Variants in CCDC178 observed in about 807,000 individuals in gnomAD.
CCDC178 encodes coiled-coil domain containing 178.
A neutral mutation model predicts 117.4 loss-of-function variants in CCDC178; 126 were observed. That is an observed-to-expected ratio of 1.07 (90% CI 0.93 to 1.24). The LOEUF (loss-of-function observed/expected upper bound fraction) is 1.24, where lower values mean the gene tolerates loss of function less well. CCDC178 is among the 50% of genes most tolerant of loss of function. The pLI is 0.00. For missense variants in CCDC178, 1,030 were observed against 986.9 expected, an observed-to-expected ratio of 1.04 and a Z score of -0.59; for synonymous variants, 283 against 313.4, an observed-to-expected ratio of 0.90 and a Z score of 1.02.
chr18:32,983,167 C>A (rs1325135403), intron 21 of CCDC178: 3 of 623,516 alleles, frequency 4.8e-6, no homozygotes, highest in South Asian at 2.2e-5. Context: ...TCTCAGTACA[C>A]TGGAGTGGGA....
intron 22 of CCDC178, among the ~76,000 whole-genome samples, chr18:32,945,053 A>T (rs1453235138): frequency 6.6e-6 from 1 of 152,156 alleles, no homozygotes; most frequent in Non-Finnish European, 1.5e-5. Flanking sequence ...TATTCTAGCT[A>T]GTCATTCATT....
intron 9 of CCDC178, among the ~76,000 whole-genome samples, chr18:33,342,387 A>G (rs577773443): frequency 2.2e-4 from 34 of 152,332 alleles, no homozygotes; most frequent in Non-Finnish European, 4.4e-4. Context: ...TATGATAGAT[A>G]TGTTGTTCAC....
chr18:33,281,899 A>G (rs754029339), intron 12 of CCDC178, among the ~76,000 whole-genome samples: 2 of 152,232 alleles, frequency 1.3e-5, no homozygotes, highest in Non-Finnish European at 2.9e-5. Context: ...ATTAAAGCAC[A>G]CTTAATATCC....
chr18:33,314,063 T>A (rs2062381835), intron 11 of CCDC178, among the ~76,000 whole-genome samples: 4 of 148,210 alleles, frequency 2.7e-5, no homozygotes, highest in Admixed American at 2.7e-4. Flanking sequence ...TAGCCGGGCG[T>A]AGTGGCGGGC....
At chr18:32,966,081 G>T (rs1334000567) in intron 22 of CCDC178, among the ~76,000 whole-genome samples, 1 of 151,150 alleles carries the variant, frequency 6.6e-6, no homozygotes, top group Non-Finnish European at 1.5e-5. Context: ...TTAAAAAATA[G>T]ATTTTAAAAA....
rs1296684676 is a variant in CCDC178, at chr18:33,415,452, C to CA, written c.-22-3343dup. Among the ~76,000 whole-genome samples the CA allele has an allele frequency of 3.5e-5, 5 of 141,086 alleles. No homozygotes were observed. In the East Asian group the frequency reaches 1.1e-3, roughly 30 times the overall value. The allele number at this position is 141,086 out of a possible 152,430, so 92.6% of individuals were successfully genotyped here. ...CAGTCTCAGCAAACTATCGCAAGGACAAAAAAACAAACACCGCATGTTCTC... is the reference window on the plus strand; with the variant it reads ...CAGTCTCAGCAAACTATCGCAAGGACAAAAAAAACAAACACCGCATGTTCTC... On this transcript the variant is annotated intron_variant, in intron 2 of 22. Coordinates refer to ENST00000383096, the MANE Select transcript of CCDC178 (RefSeq NM_001105528.4).
At chr18:32,987,980 G>C (rs758883658) in intron 21 of CCDC178, among the ~76,000 whole-genome samples, 41 of 151,892 alleles carry the variant, frequency 2.7e-4, no homozygotes, top group Non-Finnish European at 2.8e-4. Flanking sequence ...GGGAGACTGA[G>C]GCAGGAGAAT....
chr18:33,296,879 C>A (rs1486003129), intron 11 of CCDC178, among the ~76,000 whole-genome samples: 1 of 152,036 alleles, frequency 6.6e-6, no homozygotes, highest in Non-Finnish European at 1.5e-5. Context: ...ACAAAATTAG[C>A]CGAGAGTGGT....
chr18:33,030,538 T>TAGATAGAC (rs1567943416), intron 21 of CCDC178, among the ~76,000 whole-genome samples: 1 of 151,456 alleles, frequency 6.6e-6, no homozygotes, highest in African/African-American at 2.4e-5. Flanking sequence ...GATAGATAGA[T>TAGATAGAC]AGATAGATAG....
intron 22 of CCDC178, among the ~76,000 whole-genome samples, chr18:32,957,050 C>T (rs2054610823): frequency 6.6e-6 from 1 of 152,158 alleles, no homozygotes; most frequent in Non-Finnish European, 1.5e-5. Context: ...CATAATCCAA[C>T]CTCAGCCCTG....
chr18:33,324,541 T>C (rs77921899), intron 10 of CCDC178, among the ~76,000 whole-genome samples: 1,622 of 152,064 alleles, frequency 0.011, 17 homozygotes, highest in Non-Finnish European at 0.018. Flanking sequence ...TTCTCACCAG[T>C]GGAACAGAAG....
At chr18:33,135,481 G>C (rs971675550) in intron 20 of CCDC178, among the ~76,000 whole-genome samples, 7 of 152,044 alleles carry the variant, frequency 4.6e-5, no homozygotes, top group Non-Finnish European at 1.0e-4. Flanking sequence ...AGCTATCCCA[G>C]ATTTTGCTGA....
rs779887543 is a variant in CCDC178, at chr18:33,224,901, A to T, written c.1692T>A (p.Leu564=). 1 of 1,549,246 alleles carries T rather than the reference A, an allele frequency of 6.5e-7. No individual in the cohort carries two copies. Among genetic ancestry groups the T allele is most frequent in the South Asian group, 1.2e-5 (1 of 80,028 alleles). ...TATTTTTTATAAGCTCTTTCCGCTC[A>T]AGTGCCTGGACTTCGTAAATGGAAT... The part of the protein sequence containing the change: ...KLYSIYEVQA[L]ERKELIKNRA... Residue 564 remains leucine, a synonymous_variant, in exon 17 of 23, where the codon CTT becomes CTA. Transcript: ENST00000383096.
chr18:32,942,753 ATGCTGCTAT>A (rs897757475), intron 22 of CCDC178, among the ~76,000 whole-genome samples: 1 of 152,152 alleles, frequency 6.6e-6, no homozygotes, highest in Non-Finnish European at 1.5e-5. Flanking sequence ...TAACACAGCA[ATGCTGCTAT>A]TAATGCTTCG....
chr18:33,387,211 T>C (rs2063504600), intron 5 of CCDC178, among the ~76,000 whole-genome samples: 1 of 152,088 alleles, frequency 6.6e-6, no homozygotes, highest in South Asian at 2.1e-4. Context: ...TCAGAGAGGA[T>C]ACAAGCAGAT....
At position 33,223,175 on chromosome 18, in the gene CCDC178, C is replaced by A. The variant is rs1300273325; in HGVS notation, c.1863G>T (p.Lys621Asn). 11 of 1,607,520 alleles carry A rather than the reference C, an allele frequency of 6.8e-6. No individual in the cohort carries two copies. Among genetic ancestry groups the A allele is most frequent in the Non-Finnish European group, 8.5e-6 (10 of 1,176,478 alleles). ...IIDQKDLIRR[K>N]VGKVKKKLRK... ...GTAATTTTTTCTTTACTTTTCCCAC[C>A]TTTCTTCTAATAAGATCTTTCTGAT... The change falls in exon 18 of 23, where the codon AAG becomes AAT. Residue 621 changes from lysine (K) to asparagine (N), a missense_variant. Coordinates refer to ENST00000383096, the MANE Select transcript of CCDC178 (RefSeq NM_001105528.4).
chr18:33,227,333 A>G (rs1414956417), intron 15 of CCDC178, among the ~76,000 whole-genome samples: 2 of 150,660 alleles, frequency 1.3e-5, no homozygotes, highest in Admixed American at 1.3e-4. Context: ...TAGGGAAAAA[A>G]TTTGGAAAAA....
intron 15 of CCDC178, among the ~76,000 whole-genome samples, chr18:33,237,497 C>T (rs1032652806): frequency 9.2e-5 from 14 of 152,178 alleles, no homozygotes; most frequent in Non-Finnish European, 1.5e-4. Context: ...TGCTGCCAGG[C>T]CAGCTGATCA....
chr18:33,119,298 G>A (rs1341377925), intron 20 of CCDC178, among the ~76,000 whole-genome samples: 1 of 152,044 alleles, frequency 6.6e-6, no homozygotes, highest in Non-Finnish European at 1.5e-5. Context: ...ATCTGACAAA[G>A]GGCTAATATC....
Sources: gnomAD v4.1 joint callset for allele counts (sites outside exome capture counted in the v4.1 genomes callset) on GRCh38, gnomAD v4.1.1 for gene constraint, MANE v1.5 for transcripts, NCBI Gene and HGNC (gene_info 2026-07-23, HGNC 2026-07-21) for gene names.